The following GSE1 variants were observed in gnomAD, a reference collection of about 807,000 sequenced individuals.
GSE1 encodes the protein Gse1 coiled-coil protein.
In GSE1, 32 loss-of-function variants were observed where a neutral mutation model predicts 112.6. The ratio of observed to expected loss-of-function variants is 0.28; its 90% CI spans 0.21 to 0.38. The LOEUF is 0.38. Ranked by LOEUF, GSE1 falls within the 10% of genes least tolerant of loss-of-function variation. GSE1 has a pLI of 1.00. For synonymous variants in GSE1, 1,115 were observed against 735.6 expected, an observed-to-expected ratio of 1.52 and a Z score of -8.35; for missense variants, 2,348 against 1,699.2, an observed-to-expected ratio of 1.38 and a Z score of -6.71.
intron 2 of GSE1, among the ~76,000 whole-genome samples, chr16:85,435,493 C>G (rs1328714595): frequency 6.6e-6 from 1 of 152,156 alleles, no homozygotes; most frequent in East Asian, 1.9e-4. Flanking sequence ...TCTGTCACAG[C>G]CCCCCGCAGC....
intron 1 of GSE1, among the ~76,000 whole-genome samples, chr16:85,578,994 C>G (rs2046343965): frequency 6.6e-6 from 1 of 152,252 alleles, no homozygotes; most frequent in Non-Finnish European, 1.5e-5. Context: ...ACCAGGCACA[C>G]AGCAGGCGCT....
chr16:85,322,590 C>G (rs1202710347), intron 1 of GSE1, among the ~76,000 whole-genome samples: 1 of 149,282 alleles, frequency 6.7e-6, no homozygotes, highest in Admixed American at 6.7e-5. Flanking sequence ...TGACTTTGAG[C>G]AAAGGGCTGT....
At chr16:85,307,478 C>T (rs775050932) in intron 1 of GSE1, among the ~76,000 whole-genome samples, 6 of 152,200 alleles carry the variant, frequency 3.9e-5, no homozygotes, top group Non-Finnish European at 8.8e-5. Context: ...ATTACAGATG[C>T]AGGTTTAAGT....
chr16:85,672,303 T>C (rs1226641450), intron 15 of GSE1, 102 bp from the exon 16 acceptor site: 3 of 882,972 alleles, frequency 3.4e-6, no homozygotes, highest in East Asian at 5.2e-5. Context: ...CCGGGACATT[T>C]TCAAATGTAG....
At chr16:85,357,735 C>G in intron 2 of GSE1, 3 of 809,164 alleles carry the variant, frequency 3.7e-6, no homozygotes, top group Non-Finnish European at 5.3e-6. Context: ...AGTTCAGATA[C>G]AGTTCCGCCT....
chr16:85,569,683 G>A (rs557186086), intron 1 of GSE1, among the ~76,000 whole-genome samples: 41 of 152,298 alleles, frequency 2.7e-4, no homozygotes, highest in African/African-American at 7.9e-4. Context: ...CAGCACACAC[G>A]GGTATATGCG....
chr16:85,582,257 A>T (rs942896756), intron 1 of GSE1: 1 of 152,216 alleles, frequency 6.6e-6, no homozygotes, highest in Non-Finnish European at 1.5e-5. Flanking sequence ...CACCCCCTGG[A>T]TTAATGTGTC....
upstream of GSE1, among the ~76,000 whole-genome samples, chr16:85,554,353 T>C (rs374832065): frequency 6.6e-6 from 1 of 152,070 alleles, no homozygotes; most frequent in African/African-American, 2.4e-5. Flanking sequence ...ACACTCACAC[T>C]CTCTGTGCAG....
intron 1 of GSE1, among the ~76,000 whole-genome samples, chr16:85,338,920 A>G (rs2046562803): frequency 6.6e-6 from 1 of 152,098 alleles, no homozygotes; most frequent in South Asian, 2.1e-4. Flanking sequence ...GTGTCTGCAG[A>G]GCTTGGCCTG....
intron 1 of GSE1, among the ~76,000 whole-genome samples, chr16:85,314,324 A>G (rs1204676765): frequency 1.3e-5 from 2 of 152,142 alleles, no homozygotes; most frequent in Non-Finnish European, 2.9e-5. Context: ...AGTCCCTTGG[A>G]AAGGTCTTGA....
In GSE1 at chr16:85,497,087, C is replaced by G. The variant is rs973281348; in HGVS notation, c.2465-136827C>G. Among the ~76,000 whole-genome samples, 158 of 152,256 alleles carry G rather than the reference C, an allele frequency of 1.0e-3. 1 individual carries two copies. The highest frequency in any genetic ancestry group is 3.7e-3 in the African/African-American group (154 of 41,530). The stretch of plus-strand genomic sequence containing the variant: ...CTAAGTTTTGTATTTTTAGTAGAAA[C>G]AGGGTTTCGCCATGTTGGCCAGGCT... On this transcript the variant is annotated intron_variant, in intron 2 of 2. Transcript: ENST00000637419.
chr16:85,304,718 A>G (rs1316218806), intron 1 of GSE1, among the ~76,000 whole-genome samples: 5 of 152,078 alleles, frequency 3.3e-5, no homozygotes, highest in African/African-American at 1.2e-4. Flanking sequence ...AACATAAATA[A>G]CACCTGCAGA....
At chr16:85,638,914 C>G (rs115597786) in intron 2 of GSE1, among the ~76,000 whole-genome samples, 1,751 of 152,216 alleles carry the variant, frequency 0.012, 36 homozygotes, top group African/African-American at 0.04. Flanking sequence ...TTCCTCTGTC[C>G]CAGTGGTGCA....
intron 1 of GSE1, among the ~76,000 whole-genome samples, chr16:85,260,534 G>A (rs1248575772): frequency 6.6e-6 from 1 of 151,986 alleles, no homozygotes. Flanking sequence ...TGTTGGCCAG[G>A]CTAGTCTCGA....
At chr16:85,170,565 G>T in exon 1 of GSE1, 15 of 985,744 alleles carry the variant, frequency 1.5e-5, no homozygotes, top group Non-Finnish European at 1.8e-5. Flanking sequence ...CCAAAGAGAA[G>T]AACAGTGGCC....
At chr16:85,640,773 C>T (rs986259542) in intron 2 of GSE1, among the ~76,000 whole-genome samples, 1 of 152,262 alleles carries the variant, frequency 6.6e-6, no homozygotes, top group Non-Finnish European at 1.5e-5. Flanking sequence ...TCCCGCCTGG[C>T]AGGCGCGCCT....
At chr16:85,368,043 G>A (rs1023789482) in intron 2 of GSE1, among the ~76,000 whole-genome samples, 8 of 151,954 alleles carry the variant, frequency 5.3e-5, no homozygotes, top group Admixed American at 2.6e-4. Flanking sequence ...TAGTAGAGAC[G>A]GGGTTACTCC....
At chr16:85,228,271 T>G (rs1371455274) in intron 1 of GSE1, among the ~76,000 whole-genome samples, 1 of 152,178 alleles carries the variant, frequency 6.6e-6, no homozygotes, top group East Asian at 1.9e-4. Flanking sequence ...GCGACGGGTT[T>G]GTTTGGTTTT....
In GSE1 at chr16:85,407,799, G is replaced by C. The variant is rs867103888; in HGVS notation, c.2464+50156G>C. 0.015 allele frequency among the ~76,000 whole-genome samples: 44 copies of C among 2,940 alleles called. 9 individuals are homozygous for C. The South Asian group carries it at 0.17, about 11-fold the overall frequency. The allele number at this position is 2,940 out of a possible 152,430, so 1.9% of individuals were successfully genotyped here. A position where few individuals can be genotyped will look rare whatever the true frequency, so the allele number is the denominator to read the frequency against. On this transcript the variant is annotated intron_variant, in intron 2 of 2. Transcript: ENST00000637419. ...CATAATCCTCACTGTTACACTCAGGGCCCCCCGGATAATCCTCATTGTTAC... is the reference window on the plus strand; with the variant it reads ...CATAATCCTCACTGTTACACTCAGGCCCCCCCGGATAATCCTCATTGTTAC...
Sources: allele counts gnomAD v4.1 joint callset (sites outside exome capture counted in the v4.1 genomes callset), GRCh38; gene constraint gnomAD v4.1.1; transcripts MANE v1.5; gene names NCBI Gene and HGNC (gene_info 2026-07-23, HGNC 2026-07-21).